GRIK4: variants seen among roughly 807,000 people sequenced by gnomAD.
GRIK4 encodes the protein glutamate ionotropic receptor kainate type subunit 4, also known as glutamate receptor ionotropic, kainate 4.
GRIK4 carries 40 observed loss-of-function variants against 104.9 expected under a neutral mutation model. The observed-to-expected ratio is 0.38, with a 90% CI of 0.30 to 0.50. The LOEUF (loss-of-function observed/expected upper bound fraction) is 0.50, where lower values mean the gene tolerates loss of function less well. GRIK4 is among the 20% of genes least tolerant of loss of function. GRIK4 has a pLI of 0.93. For synonymous variants in GRIK4, 485 were observed against 524.9 expected (o/e 0.92, Z 1.04); for missense variants, 1,047 against 1,308.1 (o/e 0.80, Z 3.08).
At chr11:120,963,795 A>C (rs1167653845) in intron 18 of GRIK4, among the ~76,000 whole-genome samples, 1 of 152,096 alleles carries the variant, frequency 6.6e-6, no homozygotes, top group African/African-American at 2.4e-5. Context: ...CCTTAGATGC[A>C]TTCTTTAGCC....
chr11:120,885,687 C>A (rs1338682395), intron 11 of GRIK4, among the ~76,000 whole-genome samples: 1 of 152,132 alleles, frequency 6.6e-6, no homozygotes, highest in African/African-American at 2.4e-5. Flanking sequence ...GCCTGGCCAG[C>A]AACAGAAATT....
chr11:120,831,946 G>T lies in GRIK4; in HGVS notation c.606G>T (p.Pro202=), dbSNP rs1303742407. The change falls in exon 7 of 21, where the codon CCG becomes CCT. Residue 202 remains proline (P), a synonymous_variant. Transcript: ENST00000527524. The part of the protein sequence containing the change: ...RMLDDTRDPT[P]LLKEIRDDKT... Reference sequence around the variant, plus strand: ...TGGATGACACCCGGGACCCCACCCCGCTCCTCAAGGAGATCCGGGACGACA... The same window carrying T: ...TGGATGACACCCGGGACCCCACCCCTCTCCTCAAGGAGATCCGGGACGACA... 2.5e-6 allele frequency: 4 copies of T among 1,613,778 alleles called. No individual in the cohort carries two copies. The highest frequency in any genetic ancestry group is 2.2e-5 in the East Asian group (1 of 44,850).
intron 8 of GRIK4, among the ~76,000 whole-genome samples, chr11:120,851,060 C>G (rs12286020): frequency 2.6e-5 from 4 of 151,968 alleles, no homozygotes; most frequent in African/African-American, 9.7e-5. Flanking sequence ...ATGTGGTAGA[C>G]GCATCTCCTG....
At chr11:120,829,665 C>T (rs1236813265) in intron 6 of GRIK4, among the ~76,000 whole-genome samples, 1 of 152,210 alleles carries the variant, frequency 6.6e-6, no homozygotes, top group Non-Finnish European at 1.5e-5. Flanking sequence ...GGAGACCGTA[C>T]ATCCCACTTC....
intron 1 of GRIK4, among the ~76,000 whole-genome samples, chr11:120,594,705 G>C (rs572203666): frequency 1.3e-5 from 2 of 152,262 alleles, no homozygotes; most frequent in South Asian, 4.2e-4. Context: ...GAAAGAGGTG[G>C]TGGTATTTTC....
chr11:120,671,827 C>G (rs1251758670), intron 3 of GRIK4, among the ~76,000 whole-genome samples: 1 of 152,080 alleles, frequency 6.6e-6, no homozygotes, highest in Non-Finnish European at 1.5e-5. Flanking sequence ...ATGGTATTGC[C>G]TAGGTTTTCT....
Position 120,897,557 on chromosome 11 carries a change from G to A in GRIK4, c.1165-975G>A, listed in dbSNP as rs545971575. On this transcript the variant is annotated intron_variant, in intron 11 of 20. Coordinates refer to ENST00000527524, the MANE Select transcript of GRIK4 (RefSeq NM_014619.5). ...GCAGAGGTTGCAATGAGCCGAGATC[G>A]CACAACTAGACTCTAGCCTGGGTGA... Among the ~76,000 whole-genome samples, 15 of 110,140 alleles carry A rather than the reference G, an allele frequency of 1.4e-4. No homozygotes were observed. In the East Asian group the frequency reaches 2.4e-3, roughly 18 times the overall value. 72.3% of individuals were successfully genotyped at this position (110,140 alleles called of 152,430 possible).
chr11:120,850,565 G>C lies in GRIK4; in HGVS notation c.745-11394G>C, dbSNP rs76443684. Among the ~76,000 whole-genome samples the C allele has an allele frequency of 7.8e-3, 1,189 of 152,218 alleles. 47 individuals are homozygous for C. The East Asian group carries it at 0.13, about 17-fold the overall frequency. On this transcript the variant is annotated intron_variant, in intron 8 of 20. Coordinates refer to ENST00000527524, the MANE Select transcript of GRIK4 (RefSeq NM_014619.5). ...CTCTGCTGAAGCAAGGCAGAGCTCA[G>C]GGCAGGGCCCATCCCTTGCCTCCTG...
rs1182074899 is a variant in GRIK4, at chr11:120,815,453, G to A, written c.323G>A (p.Ser108Asn). 3 of 1,549,440 alleles carry A rather than the reference G, an allele frequency of 1.9e-6. No homozygotes were observed. Among genetic ancestry groups the A allele is most frequent in the East Asian group, 4.9e-5 (2 of 40,948 alleles). The stretch of plus-strand genomic sequence containing the variant: ...AGCCCAGCCTCCAGCTCCATCATCA[G>A]CAACATCTGTGGAGAGAAGGAGGTG... ...SSSPASSSII[S>N]NICGEKEVPH... The change falls in exon 5 of 21, where the codon AGC (serine) becomes AAC (asparagine). Residue 108 changes from serine (S) to asparagine (N), a missense_variant. Transcript: ENST00000527524.
At chr11:120,557,253 G>A (rs1008609336) in intron 1 of GRIK4, among the ~76,000 whole-genome samples, 3 of 152,176 alleles carry the variant, frequency 2.0e-5, no homozygotes, top group Admixed American at 6.5e-5. Context: ...GGACTCTCGT[G>A]TTCAGCACAC....
chr11:120,565,543 T>A (rs1048540595), intron 1 of GRIK4, among the ~76,000 whole-genome samples: 1 of 152,224 alleles, frequency 6.6e-6, no homozygotes, highest in Non-Finnish European at 1.5e-5. Context: ...TTGTTCTGAA[T>A]CATCCCTGTG....
intron 3 of GRIK4, among the ~76,000 whole-genome samples, chr11:120,740,456 C>T (rs1305834389): frequency 1.3e-5 from 2 of 152,186 alleles, no homozygotes; most frequent in Non-Finnish European, 2.9e-5. Flanking sequence ...CCTGCTGACC[C>T]CACATTACCC....
At chr11:120,548,614 A>G (rs1214979755) in intron 1 of GRIK4, among the ~76,000 whole-genome samples, 1 of 152,144 alleles carries the variant, frequency 6.6e-6, no homozygotes. Flanking sequence ...ATGGCCCGAC[A>G]TGATCCTTTT....
chr11:120,874,173 C>T lies in GRIK4; in HGVS notation c.1014C>T (p.Ala338=). 1 of 1,613,568 alleles carries T rather than the reference C, an allele frequency of 6.2e-7. No individual in the cohort carries two copies. ...TGAAGCCCTTGTCCTGCGGCTCGGC[C>T]CAGATCTGGCAGCACGGCACCAGCC... is the stretch of plus-strand genomic sequence containing the variant. ...IGVKPLSCGS[A]QIWQHGTSLM... The change falls in exon 10 of 21, where the codon GCC becomes GCT. Residue 338 remains alanine (A), a synonymous_variant. Transcript: ENST00000527524.
chr11:120,725,394 A>C (rs559693610), intron 3 of GRIK4, among the ~76,000 whole-genome samples: 1 of 152,238 alleles, frequency 6.6e-6, no homozygotes, highest in African/African-American at 2.4e-5. Context: ...ATAGAAAGCC[A>C]GTGACTGAGA....
intron 12 of GRIK4, among the ~76,000 whole-genome samples, chr11:120,900,349 A>G (rs1942698386): frequency 6.6e-6 from 1 of 152,190 alleles, no homozygotes; most frequent in African/African-American, 2.4e-5. Flanking sequence ...GTTTCCCTTC[A>G]CTGTGAGGAG....
chr11:120,684,476 C>G (rs1950244492), intron 3 of GRIK4, among the ~76,000 whole-genome samples: 1 of 152,184 alleles, frequency 6.6e-6, no homozygotes. Flanking sequence ...GATCCCTAAC[C>G]TCTAAGAGTT....
At chr11:120,523,631 C>G (rs796314555) in intron 1 of GRIK4, among the ~76,000 whole-genome samples, 38 of 152,340 alleles carry the variant, frequency 2.5e-4, no homozygotes, top group African/African-American at 8.4e-4. Context: ...TCCAGAGAAC[C>G]TGAGACACCG....
chr11:120,660,034 G>A (rs1949784588), intron 2 of GRIK4, among the ~76,000 whole-genome samples: 1 of 152,292 alleles, frequency 6.6e-6, no homozygotes, highest in Non-Finnish European at 1.5e-5. Context: ...GCCTGGCTGC[G>A]AGCAGATGAG....
Sources: allele counts gnomAD v4.1 joint callset (sites outside exome capture counted in the v4.1 genomes callset), GRCh38; gene constraint gnomAD v4.1.1; transcripts MANE v1.5; gene names NCBI Gene and HGNC (gene_info 2026-07-23, HGNC 2026-07-21).